SYT10: variants seen among roughly 807,000 people sequenced by gnomAD.
SYT10 encodes synaptotagmin 10.
A neutral mutation model predicts 51.1 loss-of-function variants in SYT10; 31 were observed. The observed-to-expected ratio is 0.61, with a 90% CI of 0.46 to 0.82. The LOEUF (loss-of-function observed/expected upper bound fraction) is 0.82. Ranked by LOEUF, SYT10 falls within the 40% of genes least tolerant of loss-of-function variation. The pLI is 0.00. For synonymous variants in SYT10, 233 were observed against 225.9 expected (o/e 1.03, Z -0.28); for missense variants, 603 against 634.0 (o/e 0.95, Z 0.53).
chr12:33,406,731 A>G, intron 3 of SYT10, 58 bp downstream of exon 3: 1 of 1,370,364 alleles, frequency 7.3e-7, no homozygotes, highest in Non-Finnish European at 9.9e-7. Context: ...GGTAATAATT[A>G]GTCACATAGC....
Position 33,390,929 on chromosome 12 carries a change from T to TTG in SYT10, c.1078-5639_1078-5638insCA, listed in dbSNP as rs1565492039. Among the ~76,000 whole-genome samples the TTG allele has an allele frequency of 2.2e-4, 33 of 152,090 alleles. No individual in the cohort carries two copies. The South Asian group carries it at 6.6e-3, about 31-fold the overall frequency. ...TGCATAATGTTAAATTACGTTTTTT[T>TTG]TTGTTGTTGTTGTTGTTTTGTTTTT... On this transcript the variant is annotated intron_variant, in intron 3 of 6. Transcript: ENST00000228567.
chr12:33,406,749 G>A (rs1335094763), intron 3 of SYT10, 40 bp downstream of exon 3: 1 of 1,500,594 alleles, frequency 6.7e-7, no homozygotes, highest in African/African-American at 1.4e-5. Context: ...AGCATTGTAA[G>A]TCAAATAAAA....
intron 1 of SYT10, among the ~76,000 whole-genome samples, chr12:33,434,750 A>G (rs1381667003): frequency 2.0e-5 from 3 of 152,198 alleles, no homozygotes; most frequent in Non-Finnish European, 4.4e-5. Flanking sequence ...GGTTGTGATG[A>G]GCTGAGATCC....
intron 2 of SYT10, among the ~76,000 whole-genome samples, chr12:33,424,504 C>G (rs1866532573): frequency 6.6e-6 from 1 of 152,000 alleles, no homozygotes; most frequent in South Asian, 2.1e-4. Context: ...TTCTGAGTGT[C>G]TTAAGTCTTC....
chr12:33,421,573 A>G (rs1336427158), intron 2 of SYT10, among the ~76,000 whole-genome samples: 1 of 152,176 alleles, frequency 6.6e-6, no homozygotes, highest in Non-Finnish European at 1.5e-5. Flanking sequence ...TGTATTTAAA[A>G]AGGCAAAATG....
chr12:33,377,875 G>A (rs189212268), intron 6 of SYT10, among the ~76,000 whole-genome samples: 1,687 of 151,964 alleles, frequency 0.011, 26 homozygotes, highest in African/African-American at 0.037. Flanking sequence ...TGATCCACCC[G>A]CCTCAGCCTC....
intron 3 of SYT10, among the ~76,000 whole-genome samples, chr12:33,392,733 C>T (rs1376803000): frequency 6.6e-6 from 1 of 151,750 alleles, no homozygotes; most frequent in Non-Finnish European, 1.5e-5. Context: ...TTGGCCATGG[C>T]ACTAAATCCA....
Position 33,385,210 on chromosome 12 carries a change from A to C in SYT10, c.1159T>G (p.Cys387Gly), listed in dbSNP as rs1483449522. Residue 387 changes from cysteine (C) to glycine (G), a missense_variant, in exon 4 of 7, where the codon TGC becomes GGC. By Grantham distance (159) the Cys-to-Gly change is radical. Transcript: ENST00000228567. Reference protein sequence around the residue: ...AGRMTLTVIKCRNLKAMDITG... With the variant: ...AGRMTLTVIKGRNLKAMDITG... The stretch of plus-strand genomic sequence containing the variant: ...ATATCCATCGCCTTCAGATTTCTGC[A>C]CTTAATGACTGTCAATGTCATACGC... 6.2e-7 allele frequency: 1 copy of C among 1,613,660 alleles called. No individual in the cohort carries two copies. Among genetic ancestry groups the C allele is most frequent in the South Asian group, 1.1e-5 (1 of 91,082 alleles).
At position 33,385,295 on chromosome 12, in the gene SYT10, GA is replaced by G; in HGVS notation, c.1078-5del. ...TTTCACCCAGGTCTATACTTTCCTA[GA>G]AAGGCAATCGGCATGTTAGCAATTT... is the stretch of plus-strand genomic sequence containing the variant. On this transcript the variant is annotated splice_polypyrimidine_tract_variant and splice_region_variant and intron_variant, in intron 3 of 6. Transcript: ENST00000228567. 1 of 1,612,360 alleles carries G rather than the reference GA, an allele frequency of 6.2e-7. No homozygotes were observed. Among genetic ancestry groups the G allele is most frequent in the Non-Finnish European group, 8.5e-7 (1 of 1,179,324 alleles).
chr12:33,408,362 C>G (rs1352199396), intron 2 of SYT10: 3 of 152,008 alleles, frequency 2.0e-5, no homozygotes, highest in Non-Finnish European at 1.5e-5. Context: ...TTGAGCCCAA[C>G]AAAACAAGTT....
chr12:33,413,769 C>T lies in SYT10; in HGVS notation c.510-6413G>A, dbSNP rs552014471. Among the ~76,000 whole-genome samples, 2 of 152,284 alleles carry T rather than the reference C, an allele frequency of 1.3e-5. 1 individual carries two copies. Among genetic ancestry groups the T allele is most frequent in the African/African-American group, 4.8e-5 (2 of 41,548 alleles). On this transcript the variant is annotated intron_variant, in intron 2 of 6. Transcript: ENST00000228567. ...GACCTTCAAGGCTAGGAAGAAACTGCATCAACTAACGAGCAAAATAACCAG... is the reference window on the plus strand; with the variant it reads ...GACCTTCAAGGCTAGGAAGAAACTGTATCAACTAACGAGCAAAATAACCAG...
At chr12:33,401,329 T>G (rs553685150) in intron 3 of SYT10, among the ~76,000 whole-genome samples, 1 of 152,310 alleles carries the variant, frequency 6.6e-6, no homozygotes, top group African/African-American at 2.4e-5. Flanking sequence ...TTTAATATGA[T>G]TATTCCCTAT....
chr12:33,378,368 G>T (rs2138378906), intron 6 of SYT10, among the ~76,000 whole-genome samples: 1 of 152,212 alleles, frequency 6.6e-6, no homozygotes, highest in Non-Finnish European at 1.5e-5. Flanking sequence ...TATGCCTTGG[G>T]TCATAAAGCA....
rs532614030 is a variant in SYT10 at position 33,404,485 on chromosome 12, G to A, written c.1077+2304C>T. On this transcript the variant is annotated intron_variant, in intron 3 of 6. Coordinates refer to ENST00000228567, the MANE Select transcript of SYT10 (RefSeq NM_198992.4). Reference sequence around the variant, plus strand: ...CAGCTCACTGCGACCTCCGCCTCCCGGGTTCAAGCAATTCTCCTGATTCAG... The same window carrying A: ...CAGCTCACTGCGACCTCCGCCTCCCAGGTTCAAGCAATTCTCCTGATTCAG... Among the ~76,000 whole-genome samples the A allele has an allele frequency of 3.2e-3, 493 of 152,136 alleles. 4 individuals are homozygous for A. The highest frequency in any genetic ancestry group is 7.7e-3 in the Admixed American group (117 of 15,284).
At chr12:33,399,021 T>C (rs1425417651) in intron 3 of SYT10, among the ~76,000 whole-genome samples, 1 of 152,176 alleles carries the variant, frequency 6.6e-6, no homozygotes. Context: ...GAGAAAGAGA[T>C]AGTCTCAAGG....
chr12:33,391,800 A>T (rs1257279993), intron 3 of SYT10, among the ~76,000 whole-genome samples: 19 of 152,212 alleles, frequency 1.2e-4, no homozygotes, highest in Non-Finnish European at 2.2e-4. Flanking sequence ...GATTATCATA[A>T]GGTGAATGTT....
At chr12:33,392,697 T>G (rs574335974) in intron 3 of SYT10, among the ~76,000 whole-genome samples, 1 of 152,154 alleles carries the variant, frequency 6.6e-6, no homozygotes, top group African/African-American at 2.4e-5. Flanking sequence ...AATTTTATAC[T>G]AAGCACATAA....
In SYT10 at chr12:33,407,329, C is replaced by CG. The variant is rs1866366666; in HGVS notation, c.536dup (p.Arg180GlufsTer9). ...CAACACTGGAAACCTGCATTTGCCT[C>CG]GGCAGGTGTCTTCGGAAGGAACTGT... On this transcript the variant is annotated frameshift_variant, in exon 3 of 7. Coordinates refer to ENST00000228567, the MANE Select transcript of SYT10 (RefSeq NM_198992.4). LOFTEE classifies it high-confidence loss of function. The CG allele has an allele frequency of 6.2e-7, 1 of 1,607,108 alleles. No individual in the cohort carries two copies.
At chr12:33,377,624 T>TTTTC (rs57304038) in intron 6 of SYT10, among the ~76,000 whole-genome samples, 45,048 of 124,342 alleles carry the variant, frequency 0.36, 8,237 homozygotes, top group African/African-American at 0.59. Context: ...TTTCTTTTTC[T>TTTTC]TTTTCTTTTT....
Sources: gnomAD v4.1 joint callset for allele counts (sites outside exome capture counted in the v4.1 genomes callset) on GRCh38, gnomAD v4.1.1 for gene constraint, MANE v1.5 for transcripts, NCBI Gene and HGNC (gene_info 2026-07-23, HGNC 2026-07-21) for gene names.